The following TMEM273 variants were observed in gnomAD, a reference collection of about 807,000 sequenced individuals.
TMEM273 encodes the protein transmembrane protein 273.
A neutral mutation model predicts 17.9 loss-of-function variants in TMEM273; 19 were observed. The observed-to-expected ratio is 1.06, with a 90% CI of 0.74 to 1.55. TMEM273 has a LOEUF of 1.55. Ranked by LOEUF, TMEM273 falls within the 40% of genes most tolerant of loss-of-function variation. The pLI is 0.00. For synonymous variants in TMEM273, 66 were observed against 62.0 expected (o/e 1.07, Z -0.31); for missense variants, 194 against 155.6 (o/e 1.25, Z -1.31).
intron 1 of TMEM273, among the ~76,000 whole-genome samples, chr10:49,178,635 C>A (rs1426037023): frequency 2.0e-5 from 3 of 152,278 alleles, no homozygotes; most frequent in Middle Eastern, 3.4e-3. Flanking sequence ...TAGGAAGCTG[C>A]TGAAGGATTT....
intron 6 of TMEM273, chr10:49,156,279 T>G: frequency 7.5e-7 from 1 of 1,327,362 alleles, no homozygotes; most frequent in Non-Finnish European, 1.0e-6. Flanking sequence ...ACAAGATAGA[T>G]AGACCTATGA....
At chr10:49,185,988 A>AAGGAGGAGGAGGAAGAGG (rs1371041226) in intron 1 of TMEM273, among the ~76,000 whole-genome samples, 7 of 148,888 alleles carry the variant, frequency 4.7e-5, no homozygotes, top group Non-Finnish European at 1.0e-4. Flanking sequence ...CAAGAAGAAG[A>AAGGAGGAGGAGGAAGAGG]AGGAGGAGGA....
At chr10:49,167,290 C>T (rs1404382887) in intron 2 of TMEM273, among the ~76,000 whole-genome samples, 1 of 152,234 alleles carries the variant, frequency 6.6e-6, no homozygotes, top group Admixed American at 6.5e-5. Context: ...CTCTGGCCAC[C>T]TGAGCCTCCT....
chr10:49,165,954 C>T (rs1416693091), intron 3 of TMEM273, among the ~76,000 whole-genome samples, 158 bp from the exon 4 acceptor site: 3 of 152,186 alleles, frequency 2.0e-5, no homozygotes, highest in African/African-American at 2.4e-5. Context: ...GCTGTTTCCT[C>T]CCCTTATTTG....
chr10:49,188,326 C>A lies in TMEM273; in HGVS notation c.11G>T (p.Gly4Val), dbSNP rs576542301. The A allele has an allele frequency of 5.5e-5, 89 of 1,614,176 alleles. 1 individual carries two copies. The South Asian group carries it at 9.4e-4, about 17-fold the overall frequency. MNL[G>V]VSMLRILFLL... ...GAAGAGGATCCTCAGCATGCTGACC[C>A]CCAAGTTCATGCTGGCGCTCTGCTC... The change falls in exon 1 of 7, where the codon GGG (glycine) becomes GTG (valine). Residue 4 changes from glycine to valine, a missense_variant. Gly to Val is a moderately radical substitution (Grantham distance 109). Transcript: ENST00000374153.
chr10:49,186,334 G>C (rs921291830), intron 1 of TMEM273, among the ~76,000 whole-genome samples: 3 of 152,252 alleles, frequency 2.0e-5, no homozygotes, highest in Middle Eastern at 3.4e-3. Context: ...TTCCCACCGT[G>C]GTTTCGGCAG....
intron 1 of TMEM273, 30 bp downstream of exon 1, chr10:49,188,263 CG>C (rs749317797): frequency 6.2e-6 from 10 of 1,613,152 alleles, no homozygotes; most frequent in Non-Finnish European, 8.5e-6. Context: ...GAGGCTCCCC[CG>C]GGCCAGAGAC....
intron 5 of TMEM273, among the ~76,000 whole-genome samples, chr10:49,162,383 A>G (rs1845903070): frequency 6.6e-6 from 1 of 152,212 alleles, no homozygotes; most frequent in Admixed American, 6.5e-5. Context: ...GCGCACACAC[A>G]CAACAGGATT....
intron 6 of TMEM273, among the ~76,000 whole-genome samples, chr10:49,158,967 A>T (rs1845680278): frequency 6.6e-6 from 1 of 152,182 alleles, no homozygotes; most frequent in Non-Finnish European, 1.5e-5. Context: ...TGTCTATATA[A>T]AAGTGTTTTT....
chr10:49,185,764 A>C (rs887611799), intron 1 of TMEM273, among the ~76,000 whole-genome samples: 1 of 152,054 alleles, frequency 6.6e-6, no homozygotes, highest in African/African-American at 2.4e-5. Flanking sequence ...GGAACACCTG[A>C]GGTCAGGAGT....
intron 1 of TMEM273, among the ~76,000 whole-genome samples, chr10:49,169,713 G>GC (rs1554845121): frequency 6.6e-6 from 1 of 151,894 alleles, no homozygotes; most frequent in Non-Finnish European, 1.5e-5. Context: ...TTGTCTTATT[G>GC]TTTTTTTTAA....
chr10:49,181,439 G>A (rs1157237608), intron 1 of TMEM273, among the ~76,000 whole-genome samples: 3 of 152,174 alleles, frequency 2.0e-5, no homozygotes, highest in East Asian at 1.9e-4. Flanking sequence ...TAAAGTAGAA[G>A]AAATCACTCT....
Position 49,178,711 on chromosome 10 carries a change from T to C in TMEM273, c.43+9583A>G, listed in dbSNP as rs140916631. Reference sequence around the variant, plus strand: ...TCCTCCTCCAGGAAGCCTTCCTGGATACTCTAGTTTGGTTCAAGAGCTTCT... The same window carrying C: ...TCCTCCTCCAGGAAGCCTTCCTGGACACTCTAGTTTGGTTCAAGAGCTTCT... On this transcript the variant is annotated intron_variant, in intron 1 of 6. Coordinates refer to ENST00000374153, the MANE Select transcript of TMEM273 (RefSeq NM_001288740.3). 4.7e-3 allele frequency among the ~76,000 whole-genome samples: 722 copies of C among 152,320 alleles called. 5 individuals are homozygous for C. The highest frequency in any genetic ancestry group is 8.2e-3 in the Non-Finnish European group (556 of 68,022).
chr10:49,158,652 G>A (rs529377680), intron 6 of TMEM273, among the ~76,000 whole-genome samples: 12 of 152,260 alleles, frequency 7.9e-5, no homozygotes, highest in South Asian at 4.1e-4. Context: ...ATGAATAACC[G>A]CAAATACCAA....
chr10:49,184,322 A>G (rs1430800895), intron 1 of TMEM273, among the ~76,000 whole-genome samples: 1 of 152,258 alleles, frequency 6.6e-6, no homozygotes, highest in Non-Finnish European at 1.5e-5. Flanking sequence ...TGATTACATC[A>G]CGCTGAAAGA....
At chr10:49,164,965 T>TATTC (rs1434752661) in intron 5 of TMEM273, among the ~76,000 whole-genome samples, 1 of 152,150 alleles carries the variant, frequency 6.6e-6, no homozygotes, top group Non-Finnish European at 1.5e-5. Flanking sequence ...TTCAGTTATT[T>TATTC]ATTCATTCAT....
At chr10:49,187,435 A>G (rs1847794991) in intron 1 of TMEM273, among the ~76,000 whole-genome samples, 1 of 152,238 alleles carries the variant, frequency 6.6e-6, no homozygotes, top group Non-Finnish European at 1.5e-5. Context: ...ATCTGGAGAC[A>G]GACTGCTTCC....
chr10:49,163,786 ATCAGAAACC>A (rs1414827950), intron 5 of TMEM273, among the ~76,000 whole-genome samples: 1 of 152,198 alleles, frequency 6.6e-6, no homozygotes, highest in African/African-American at 2.4e-5. Context: ...ATGCTTCACA[ATCAGAAACC>A]ACTGCTGAAA....
chr10:49,160,798 G>A (rs1590183723), intron 6 of TMEM273: 1 of 152,238 alleles, frequency 6.6e-6, no homozygotes, highest in East Asian at 1.9e-4. Flanking sequence ...AAAGCAAAGG[G>A]GGCACCGTGT....
Sources: gnomAD v4.1 joint callset for allele counts (sites outside exome capture counted in the v4.1 genomes callset) on GRCh38, gnomAD v4.1.1 for gene constraint, MANE v1.5 for transcripts, NCBI Gene and HGNC (gene_info 2026-07-23, HGNC 2026-07-21) for gene names.